The following MARCHF3 variants were observed in gnomAD, a reference collection of about 807,000 sequenced individuals.
MARCHF3 encodes the protein E3 ubiquitin-protein ligase MARCHF3.
MARCHF3 carries 13 observed loss-of-function variants against 24.2 expected under a neutral mutation model. That is an observed-to-expected ratio of 0.54 (90% CI 0.35 to 0.85). MARCHF3 has a LOEUF of 0.85. MARCHF3 is among the 40% of genes least tolerant of loss of function. The pLI is 0.01. For missense variants in MARCHF3, 276 were observed against 325.0 expected (o/e 0.85, Z 1.16); for synonymous variants, 144 against 137.3 (o/e 1.05, Z -0.34).
chr5:127,014,825 T>C (rs1490650256), intron 1 of MARCHF3, among the ~76,000 whole-genome samples: 4 of 152,158 alleles, frequency 2.6e-5, no homozygotes, highest in Non-Finnish European at 4.4e-5. Flanking sequence ...AAGTTGGGGA[T>C]AGGCAGAAAT....
chr5:126,885,122 A>G (rs1753467146), intron 3 of MARCHF3, among the ~76,000 whole-genome samples: 1 of 152,228 alleles, frequency 6.6e-6, no homozygotes, highest in African/African-American at 2.4e-5. Flanking sequence ...TGTATTTTCA[A>G]GAGCACACAA....
chr5:127,023,879 C>T (rs1752906868), intron 1 of MARCHF3, among the ~76,000 whole-genome samples: 1 of 152,182 alleles, frequency 6.6e-6, no homozygotes, highest in Non-Finnish European at 1.5e-5. Flanking sequence ...CCATTTTGCT[C>T]TTCAAAGGCC....
intron 1 of MARCHF3, among the ~76,000 whole-genome samples, chr5:126,939,978 T>C (rs1415284661): frequency 6.6e-6 from 1 of 152,178 alleles, no homozygotes; most frequent in African/African-American, 2.4e-5. Flanking sequence ...TTAGGAACAC[T>C]AGCCAGCACT....
chr5:126,913,324 C>T (rs1754603825), intron 3 of MARCHF3, among the ~76,000 whole-genome samples: 1 of 152,234 alleles, frequency 6.6e-6, no homozygotes, highest in Non-Finnish European at 1.5e-5. Flanking sequence ...AAGCCAGCTT[C>T]CCTGGAGAGG....
In MARCHF3 at chr5:127,000,152, G is replaced by A. The variant is rs73786289; in HGVS notation, c.-57+30198C>T. ...CCTTCATATCATTTAACCAACCTTCGTTTGCTATCTCTAGCCCCCTCCCTT... is the reference window on the plus strand; with the variant it reads ...CCTTCATATCATTTAACCAACCTTCATTTGCTATCTCTAGCCCCCTCCCTT... On this transcript the variant is annotated intron_variant, in intron 1 of 4. Coordinates refer to ENST00000308660, the MANE Select transcript of MARCHF3 (RefSeq NM_178450.5). Among the ~76,000 whole-genome samples, 1,444 of 151,736 alleles carry A rather than the reference G, an allele frequency of 9.5e-3. 24 individuals carry two copies. The highest frequency in any genetic ancestry group is 0.026 in the African/African-American group (1,083 of 41,380).
intron 3 of MARCHF3, among the ~76,000 whole-genome samples, chr5:126,889,641 G>C (rs947667942): frequency 6.6e-6 from 1 of 152,112 alleles, no homozygotes; most frequent in African/African-American, 2.4e-5. Flanking sequence ...GAAAACAGAG[G>C]AACTCTTGGA....
chr5:126,893,099 G>C (rs866958125), intron 3 of MARCHF3, among the ~76,000 whole-genome samples: 4,788 of 151,942 alleles, frequency 0.032, 244 homozygotes, highest in African/African-American at 0.11. Context: ...AGTATTCTCT[G>C]ATGGTAGTTT....
intron 3 of MARCHF3, among the ~76,000 whole-genome samples, chr5:126,894,670 T>G (rs1445587726): frequency 6.6e-6 from 1 of 152,116 alleles, no homozygotes; most frequent in Non-Finnish European, 1.5e-5. Flanking sequence ...GTTAGTCTGA[T>G]GGGCTTCCCT....
intron 3 of MARCHF3, among the ~76,000 whole-genome samples, chr5:126,913,990 T>C (rs1474097315): frequency 6.9e-6 from 1 of 144,894 alleles, no homozygotes; most frequent in Non-Finnish European, 1.5e-5. Flanking sequence ...TTTTTTTTTT[T>C]TTTTTTTTTT....
intron 1 of MARCHF3, among the ~76,000 whole-genome samples, chr5:126,985,474 T>A (rs993252261): frequency 5.4e-5 from 8 of 149,420 alleles, no homozygotes; most frequent in East Asian, 2.0e-4. Context: ...AACTTTTATT[T>A]TTTTTTTTTT....
chr5:126,898,375 G>A (rs73335465), intron 3 of MARCHF3, among the ~76,000 whole-genome samples: 102 of 152,098 alleles, frequency 6.7e-4, no homozygotes, highest in African/African-American at 2.1e-3. Flanking sequence ...TTCGTCTAAC[G>A]GAGTGATTTT....
intron 3 of MARCHF3, chr5:126,914,703 G>C (rs1754655610): frequency 1.7e-6 from 1 of 579,570 alleles, no homozygotes; most frequent in Non-Finnish European, 3.1e-6. Flanking sequence ...TCTACTGCTG[G>C]ATCCCAAGTG....
chr5:126,874,001 A>G (rs1038281499), intron 4 of MARCHF3, among the ~76,000 whole-genome samples: 1 of 152,232 alleles, frequency 6.6e-6, no homozygotes, highest in Non-Finnish European at 1.5e-5. Flanking sequence ...AAGAAAACAT[A>G]AAAAGATGCT....
intron 1 of MARCHF3, among the ~76,000 whole-genome samples, chr5:126,954,317 G>C (rs1436745851): frequency 6.6e-6 from 1 of 150,642 alleles, no homozygotes; most frequent in Non-Finnish European, 1.5e-5. Flanking sequence ...CCAAAGTGCT[G>C]AGATTACAGG....
chr5:126,913,395 T>C (rs1044149596), intron 3 of MARCHF3, among the ~76,000 whole-genome samples: 2 of 152,240 alleles, frequency 1.3e-5, no homozygotes, highest in Non-Finnish European at 2.9e-5. Flanking sequence ...AAGCTCCTTT[T>C]TACTTTGCCA....
intron 1 of MARCHF3, among the ~76,000 whole-genome samples, chr5:126,992,766 A>ATT (rs757479478): frequency 0.031 from 2,931 of 95,434 alleles, 74 homozygotes; most frequent in Middle Eastern, 0.073. Context: ...CATCCACGTG[A>ATT]TTTTTTTTTT....
rs1179601247 is a variant in MARCHF3, at chr5:126,918,093, C to T, written c.79G>A (p.Val27Met). Residue 27 changes from valine (V) to methionine (M), a missense_variant, in exon 2 of 5, where the codon GTG becomes ATG. Transcript: ENST00000308660. ...TTCACTAGGCTGCCACAATCCTCCACCGTCTTCACCACGGGTGCAGCTGAG... is the reference window on the plus strand; with the variant it reads ...TTCACTAGGCTGCCACAATCCTCCATCGTCTTCACCACGGGTGCAGCTGAG... The part of the protein sequence containing the change: ...TSSAAPVVKT[V>M]EDCGSLVNGQ... The T allele has an allele frequency of 1.2e-6, 2 of 1,614,216 alleles. No individual in the cohort carries two copies. The highest frequency in any genetic ancestry group is 1.7e-6 in the Non-Finnish European group (2 of 1,180,046).
At chr5:127,020,964 G>A (rs1014550916) in intron 1 of MARCHF3, among the ~76,000 whole-genome samples, 3 of 152,116 alleles carry the variant, frequency 2.0e-5, no homozygotes, top group Admixed American at 2.0e-4. Flanking sequence ...CACCATCTGT[G>A]GGGAAGAAGG....
chr5:126,904,552 C>G (rs1313684081), intron 3 of MARCHF3, among the ~76,000 whole-genome samples: 2 of 149,684 alleles, frequency 1.3e-5, no homozygotes, highest in Non-Finnish European at 2.9e-5. Context: ...ATTTGTGTTT[C>G]TCTGATGGCC....
Sources: gnomAD v4.1 joint callset for allele counts (sites outside exome capture counted in the v4.1 genomes callset) on GRCh38, gnomAD v4.1.1 for gene constraint, MANE v1.5 for transcripts, NCBI Gene and HGNC (gene_info 2026-07-23, HGNC 2026-07-21) for gene names.